The following ZCCHC24 variants were observed in gnomAD, a reference collection of about 807,000 sequenced individuals.
ZCCHC24 encodes the protein zinc finger CCHC-type containing 24.
A neutral mutation model predicts 26.2 loss-of-function variants in ZCCHC24; 10 were observed. That is an observed-to-expected ratio of 0.38 (90% confidence interval 0.24 to 0.65). ZCCHC24 has a LOEUF of 0.65. ZCCHC24 is among the 30% of genes least tolerant of loss of function. The pLI, the probability that ZCCHC24 is intolerant of heterozygous loss-of-function variation, is 0.54. For missense variants in ZCCHC24, 243 were observed against 329.1 expected (o/e 0.74, Z 2.03); for synonymous variants, 144 against 147.1 (o/e 0.98, Z 0.15).
intron 3 of ZCCHC24, among the ~76,000 whole-genome samples, chr10:79,386,991 A>C (rs1856406459): frequency 6.6e-6 from 1 of 151,900 alleles, no homozygotes; most frequent in South Asian, 2.1e-4. Context: ...TTCCCTGGCC[A>C]CTCTCCACTC....
chr10:79,444,792 C>A (rs1857339724), intron 1 of ZCCHC24, among the ~76,000 whole-genome samples: 1 of 152,228 alleles, frequency 6.6e-6, no homozygotes, highest in South Asian at 2.1e-4. Flanking sequence ...CCGCGGTGGC[C>A]AGGACGAGGA....
chr10:79,421,738 TGCCTCA>T (rs1360371418), intron 2 of ZCCHC24, among the ~76,000 whole-genome samples: 1 of 152,164 alleles, frequency 6.6e-6, no homozygotes, highest in African/African-American at 2.4e-5. Flanking sequence ...GCAATTCTCC[TGCCTCA>T]GCCTCCCAAG....
intron 1 of ZCCHC24, among the ~76,000 whole-genome samples, chr10:79,443,244 G>A (rs757179820): frequency 6.6e-6 from 1 of 152,162 alleles, no homozygotes; most frequent in Non-Finnish European, 1.5e-5. Flanking sequence ...GTGACAGAGG[G>A]CAGTTCTCAC....
At chr10:79,434,877 G>A (rs1857193413) in intron 1 of ZCCHC24, among the ~76,000 whole-genome samples, 1 of 151,278 alleles carries the variant, frequency 6.6e-6, no homozygotes, top group African/African-American at 2.5e-5. Flanking sequence ...CTCCATGCCC[G>A]TGAAACAACA....
chr10:79,390,308 G>C (rs188997938), intron 3 of ZCCHC24, among the ~76,000 whole-genome samples: 10 of 152,338 alleles, frequency 6.6e-5, no homozygotes, highest in African/African-American at 2.4e-4. Flanking sequence ...AAGTCTGTAG[G>C]CTAACTCTAC....
Position 79,433,417 on chromosome 10 carries a change from C to T in ZCCHC24, c.247-659G>A, listed in dbSNP as rs139458271. On this transcript the variant is annotated intron_variant, in intron 1 of 3. Coordinates refer to ENST00000372336, the MANE Select transcript of ZCCHC24 (RefSeq NM_153367.4). ...AAGGAGGGAAGTGGTCCATCTCTCTCACCTCCAGATGACAGGAACCAGACA... is the reference window on the plus strand; with the variant it reads ...AAGGAGGGAAGTGGTCCATCTCTCTTACCTCCAGATGACAGGAACCAGACA... 2.0e-3 allele frequency among the ~76,000 whole-genome samples: 299 copies of T among 152,372 alleles called. 1 individual carries two copies. The highest frequency in any genetic ancestry group is 6.9e-3 in the African/African-American group (288 of 41,594).
At chr10:79,434,161 G>A (rs1324338866) in intron 1 of ZCCHC24, among the ~76,000 whole-genome samples, 1 of 152,194 alleles carries the variant, frequency 6.6e-6, no homozygotes, top group East Asian at 1.9e-4. Context: ...AGCCTGGGAT[G>A]CGGAAGGAAA....
chr10:79,394,137 T>TC, intron 3 of ZCCHC24, 139 bp downstream of exon 3: 1 of 1,236,736 alleles, frequency 8.1e-7, no homozygotes, highest in Admixed American at 2.7e-5. Context: ...TTCCCTTCCC[T>TC]CCCATTTCAG....
At chr10:79,406,037 G>A (rs543722094) in intron 2 of ZCCHC24, among the ~76,000 whole-genome samples, 100 of 152,304 alleles carry the variant, frequency 6.6e-4, no homozygotes, top group East Asian at 5.4e-3. Flanking sequence ...CTGGGTGAGC[G>A]CTGGAGCTCA....
chr10:79,442,607 G>C (rs1014983451), intron 1 of ZCCHC24, among the ~76,000 whole-genome samples: 1 of 152,208 alleles, frequency 6.6e-6, no homozygotes, highest in Non-Finnish European at 1.5e-5. Flanking sequence ...CACATCCGCA[G>C]GCACTGCCAC....
At chr10:79,400,458 G>A (rs1856614049) in intron 2 of ZCCHC24, among the ~76,000 whole-genome samples, 2 of 152,254 alleles carry the variant, frequency 1.3e-5, no homozygotes, top group Non-Finnish European at 2.9e-5. Context: ...AGCAGGATAA[G>A]CAACCGAAGA....
chr10:79,430,686 C>CACACACA (rs370025190), intron 2 of ZCCHC24, among the ~76,000 whole-genome samples: 21,501 of 140,388 alleles, frequency 0.15, 1,962 homozygotes, highest in African/African-American at 0.24. Flanking sequence ...CACACACACA[C>CACACACA]CACACACACA....
chr10:79,416,052 C>T (rs1406630949), intron 2 of ZCCHC24, among the ~76,000 whole-genome samples: 2 of 152,232 alleles, frequency 1.3e-5, no homozygotes, highest in Non-Finnish European at 2.9e-5. Context: ...CCAGGTACTG[C>T]CACTGCTGCC....
chr10:79,383,620 ATT>A lies in ZCCHC24; in HGVS notation c.*2723_*2724del, dbSNP rs1856352733. The A allele has an allele frequency of 7.0e-6, 1 of 142,004 alleles. No individual in the cohort carries two copies. Among genetic ancestry groups the A allele is most frequent in the African/African-American group, 2.6e-5 (1 of 38,550 alleles). 8.8% of individuals were successfully genotyped at this position (142,004 alleles called of 1,614,324 possible). A position where few individuals can be genotyped will look rare whatever the true frequency, so the allele number is the denominator to read the frequency against. ...TTAATCTCAAAAATCAAACAATTAT[ATT>A]TTTCTTTTCTTTTTTTTTTTTTAAA... is the stretch of plus-strand genomic sequence containing the variant. On this transcript the variant is annotated 3_prime_UTR_variant, in exon 4 of 4. Transcript: ENST00000372336.
At chr10:79,397,175 C>T (rs1856557947) in intron 2 of ZCCHC24, among the ~76,000 whole-genome samples, 2 of 152,212 alleles carry the variant, frequency 1.3e-5, no homozygotes, top group Non-Finnish European at 2.9e-5. Context: ...GTGACACCAA[C>T]ACCACCCTGA....
chr10:79,397,488 T>C (rs1856561834), intron 2 of ZCCHC24, among the ~76,000 whole-genome samples: 1 of 152,224 alleles, frequency 6.6e-6, no homozygotes. Context: ...ACCTGGGGTC[T>C]GGAACCTGTG....
rs537112825 is a variant in ZCCHC24, at chr10:79,411,658, C to A, written c.448-17218G>T. On this transcript the variant is annotated intron_variant, in intron 2 of 3. Coordinates refer to ENST00000372336, the MANE Select transcript of ZCCHC24 (RefSeq NM_153367.4). ...GTGCCCCACTTTCCAGAGGAGGAGG[C>A]CAAGGCCAGGGGACTCCAGCCCACA... 3.6e-4 allele frequency among the ~76,000 whole-genome samples: 55 copies of A among 152,238 alleles called. 1 individual carries two copies. The South Asian group carries it at 0.011, about 31-fold the overall frequency.
intron 2 of ZCCHC24, among the ~76,000 whole-genome samples, chr10:79,398,316 A>G (rs892880223): frequency 2.6e-5 from 4 of 152,152 alleles, no homozygotes; most frequent in Admixed American, 6.5e-5. Context: ...TGGTTTCCTC[A>G]TCTGGAAACC....
In ZCCHC24 at chr10:79,445,319, C is replaced by T. The variant is rs369170627; in HGVS notation, c.122G>A (p.Arg41Gln). The T allele has an allele frequency of 4.6e-6, 7 of 1,517,736 alleles. No individual in the cohort carries two copies. The highest frequency in any genetic ancestry group is 6.2e-6 in the Non-Finnish European group (7 of 1,134,696). 94.0% of individuals were successfully genotyped at this position (1,517,736 alleles called of 1,614,324 possible). ...TGCGGCGCCGGCGGTCGGCTCGGGC[C>T]GGAAGGCATCGAAGGCGCTAGCCTG... Reference protein sequence around the residue: ...THQASAFDAFRPEPTAGAAPP... With the variant: ...THQASAFDAFQPEPTAGAAPP... The change falls in exon 1 of 4, where the codon CGG becomes CAG. Residue 41 changes from arginine to glutamine, a missense_variant. This residue lies in a region of ZCCHC24 where 147 missense variants were observed against 150.8 expected (regional missense o/e 0.97). Coordinates refer to ENST00000372336, the MANE Select transcript of ZCCHC24 (RefSeq NM_153367.4).
Sources: allele counts gnomAD v4.1 joint callset (sites outside exome capture counted in the v4.1 genomes callset), GRCh38; gene constraint gnomAD v4.1.1; regional missense constraint gnomAD v4.1.1; transcripts MANE v1.5; gene names NCBI Gene and HGNC (gene_info 2026-07-23, HGNC 2026-07-21).